Variants in B3GLCT observed in about 807,000 individuals in gnomAD.
B3GLCT encodes beta 3-glucosyltransferase.
B3GLCT carries 65 observed loss-of-function variants against 63.4 expected under a neutral mutation model. The observed-to-expected ratio is 1.03, with a 90% CI of 0.84 to 1.26. The LOEUF (loss-of-function observed/expected upper bound fraction) is 1.26, where lower values mean the gene tolerates loss of function less well. Among genes scored for constraint, B3GLCT ranks in the 50% most tolerant of loss-of-function variants. The probability of loss-of-function intolerance (pLI) is 0.00; values close to 1 mark genes in which losing one functional copy is unlikely to be tolerated. For synonymous variants in B3GLCT, 233 were observed against 219.2 expected, an observed-to-expected ratio of 1.06 and a Z score of -0.55; for missense variants, 577 against 604.8, an observed-to-expected ratio of 0.95 and a Z score of 0.48.
At chr13:31,200,266 C>T in intron 1 of B3GLCT, 112 bp downstream of exon 1, 1 of 488,658 alleles carries the variant, frequency 2.0e-6, no homozygotes, top group Middle Eastern at 9.5e-4. Context: ...AGCCCTGCCC[C>T]GCCGGCGCGC....
chr13:31,267,343 G>C (rs1872374405), intron 7 of B3GLCT, among the ~76,000 whole-genome samples: 1 of 152,214 alleles, frequency 6.6e-6, no homozygotes, highest in Non-Finnish European at 1.5e-5. Context: ...TTTGGAGCCT[G>C]AATGAAATGA....
chr13:31,321,510 G>A (rs1257448913), intron 13 of B3GLCT, among the ~76,000 whole-genome samples: 3 of 152,202 alleles, frequency 2.0e-5, no homozygotes, highest in Non-Finnish European at 4.4e-5. Context: ...TATTGTTTGT[G>A]ACATTTTTGT....
Position 31,286,733 on chromosome 13 carries a change from G to C in B3GLCT, c.978G>C (p.Lys326Asn). 1 of 1,611,862 alleles carries C rather than the reference G, an allele frequency of 6.2e-7. No individual in the cohort carries two copies. Among genetic ancestry groups the C allele is most frequent in the Non-Finnish European group, 8.5e-7 (1 of 1,178,178 alleles). ...TGCCTTTTCTAGGTCATTGTGGAAA[G>C]ACATTTGCCATTTTGGAAAGATTTC... Reference protein sequence around the residue: ...IPNTDRGHCGKTFAILERFLN... With the variant: ...IPNTDRGHCGNTFAILERFLN... Residue 326 changes from lysine (K) to asparagine (N), a missense_variant, in exon 12 of 15, where the codon AAG becomes AAC. Transcript: ENST00000343307.
At chr13:31,324,964 C>T (rs1052141019) in intron 14 of B3GLCT, among the ~76,000 whole-genome samples, 7 of 152,210 alleles carry the variant, frequency 4.6e-5, no homozygotes, top group South Asian at 2.1e-4. Context: ...ACCTCGACTT[C>T]CCAAAGTGCC....
chr13:31,282,157 T>C (rs927275865), intron 10 of B3GLCT, among the ~76,000 whole-genome samples: 1 of 152,236 alleles, frequency 6.6e-6, no homozygotes, highest in Non-Finnish European at 1.5e-5. Flanking sequence ...TTAGTATCTT[T>C]AGGAATACAG....
At chr13:31,248,524 A>C (rs1871292456) in intron 6 of B3GLCT, among the ~76,000 whole-genome samples, 1 of 152,212 alleles carries the variant, frequency 6.6e-6, no homozygotes, top group South Asian at 2.1e-4. Context: ...GGGGCATGGA[A>C]TCTAACCTGG....
chr13:31,227,775 A>G (rs143334103), intron 3 of B3GLCT, among the ~76,000 whole-genome samples: 39 of 152,370 alleles, frequency 2.6e-4, no homozygotes, highest in African/African-American at 8.9e-4. Flanking sequence ...ATATAATGGA[A>G]TAAAATTAAA....
intron 4 of B3GLCT, among the ~76,000 whole-genome samples, chr13:31,234,047 T>G (rs1870514704): frequency 6.6e-6 from 1 of 151,360 alleles, no homozygotes; most frequent in African/African-American, 2.4e-5. Context: ...AGATAGAGTC[T>G]CACTCTGTCG....
chr13:31,210,798 G>A lies in B3GLCT; in HGVS notation c.71-4253G>A, dbSNP rs146062741. Among the ~76,000 whole-genome samples the A allele has an allele frequency of 2.1e-3, 326 of 152,252 alleles. 4 individuals are homozygous for A. Among genetic ancestry groups the A allele is most frequent in the African/African-American group, 7.3e-3 (304 of 41,538 alleles). On this transcript the variant is annotated intron_variant, in intron 1 of 14. Coordinates refer to ENST00000343307, the MANE Select transcript of B3GLCT (RefSeq NM_194318.4). The stretch of plus-strand genomic sequence containing the variant: ...GGGTCTCTGTCACCCAGGCTGGAGT[G>A]AAGTGGCATGATCATAGTTTACTGC...
intron 11 of B3GLCT, among the ~76,000 whole-genome samples, chr13:31,286,179 GTCT>G (rs1174438135): frequency 2.6e-5 from 4 of 152,184 alleles, no homozygotes; most frequent in Admixed American, 6.5e-5. Flanking sequence ...CTGTTACTCT[GTCT>G]TACTCAGCAC....
chr13:31,228,589 A>G (rs1870217724), intron 3 of B3GLCT, among the ~76,000 whole-genome samples: 1 of 152,138 alleles, frequency 6.6e-6, no homozygotes, highest in African/African-American at 2.4e-5. Flanking sequence ...GTCTCCTCAT[A>G]TCATCTTCCT....
intron 12 of B3GLCT, among the ~76,000 whole-genome samples, chr13:31,289,839 A>T (rs568420809): frequency 6.6e-6 from 1 of 152,106 alleles, no homozygotes; most frequent in South Asian, 2.1e-4. Context: ...TTATTGTTTT[A>T]TCTGACATTT....
intron 6 of B3GLCT, 127 bp from the exon 7 acceptor site, chr13:31,260,819 T>G: frequency 1.2e-6 from 1 of 826,610 alleles, no homozygotes; most frequent in Non-Finnish European, 2.0e-6. Flanking sequence ...CTAGAAATAT[T>G]TAATCTGTGC....
intron 12 of B3GLCT, among the ~76,000 whole-genome samples, chr13:31,314,302 T>C (rs953519891): frequency 2.6e-5 from 4 of 152,032 alleles, no homozygotes; most frequent in Admixed American, 2.0e-4. Context: ...GCACCATGCA[T>C]CTGGAAGAGC....
rs142992723 is a variant in B3GLCT at position 31,277,824 on chromosome 13, G to T, written c.850+1053G>T. Among the ~76,000 whole-genome samples, 486 of 152,052 alleles carry T rather than the reference G, an allele frequency of 3.2e-3. 2 individuals are homozygous for T. Among genetic ancestry groups the T allele is most frequent in the African/African-American group, 0.011 (458 of 41,484 alleles). On this transcript the variant is annotated intron_variant, in intron 10 of 14. Transcript: ENST00000343307. ...ATAAACCTTCATATTTGCCTAAAAT[G>T]GCCACACTAAATTCCAAATCCTATT...
At chr13:31,310,664 C>T (rs1264665073) in intron 12 of B3GLCT, among the ~76,000 whole-genome samples, 2 of 152,138 alleles carry the variant, frequency 1.3e-5, no homozygotes, top group Non-Finnish European at 2.9e-5. Flanking sequence ...GGGACATGCC[C>T]CCATTCACGA....
chr13:31,229,218 A>G lies in B3GLCT; in HGVS notation c.194A>G (p.Gln65Arg), dbSNP rs1870249703. Residue 65 changes from glutamine to arginine, a missense_variant, in exon 4 of 15, where the codon CAA becomes CGA. Physicochemically the swap from Gln to Arg is conservative, Grantham distance 43 (BLOSUM62 1). Coordinates refer to ENST00000343307, the MANE Select transcript of B3GLCT (RefSeq NM_194318.4). ...GGAATTGTATTCGTCATCCAGAGTC[A>G]AAGTAATTCTTTTCATGCAAAGAGA... ...LKGIVFVIQS[Q>R]SNSFHAKRAE... is the part of the protein sequence containing the mutation. 6.2e-7 allele frequency: 1 copy of G among 1,612,834 alleles called. No individual in the cohort carries two copies. The highest frequency in any genetic ancestry group is 1.7e-5 in the Admixed American group (1 of 59,990).
At chr13:31,220,171 A>G (rs888318641) in intron 2 of B3GLCT, among the ~76,000 whole-genome samples, 1 of 152,188 alleles carries the variant, frequency 6.6e-6, no homozygotes, top group African/African-American at 2.4e-5. Context: ...GGAAGATTCC[A>G]TTTTACTTCT....
At position 31,323,687 on chromosome 13, in the gene B3GLCT, A is replaced by G. The variant is rs188030184; in HGVS notation, c.1185-64A>G. On this transcript the variant is annotated intron_variant, in intron 13 of 14. Transcript: ENST00000343307. ...AGTAAAGTCCTGTTTCCCGGGGCCC[A>G]TTTGTGCAGCAGCGGTGTCTGTGGA... The G allele has an allele frequency of 1.4e-3, 2,160 of 1,597,746 alleles. 3 individuals carry two copies. Among genetic ancestry groups the G allele is most frequent in the Middle Eastern group, 3.6e-3 (19 of 5,320 alleles).
Sources: allele counts gnomAD v4.1 joint callset (sites outside exome capture counted in the v4.1 genomes callset), GRCh38; gene constraint gnomAD v4.1.1; transcripts MANE v1.5; gene names NCBI Gene and HGNC (gene_info 2026-07-23, HGNC 2026-07-21).